The following RLIM variants were observed in gnomAD, a reference collection of about 807,000 sequenced individuals.
RLIM encodes ring finger protein, LIM domain interacting.
In RLIM, 2 loss-of-function variants were observed where a neutral mutation model predicts 34.0. That is an observed-to-expected ratio of 0.06 (90% CI 0.02 to 0.19). The LOEUF is 0.19. Among genes scored for constraint, RLIM ranks in the 10% least tolerant of loss-of-function variants. The pLI, the probability that RLIM is intolerant of heterozygous loss-of-function variation, is 1.00. For synonymous variants in RLIM, 169 were observed against 164.0 expected (o/e 1.03, Z -0.23); for missense variants, 286 against 479.7 (o/e 0.60, Z 3.77).
rs1342601583 is a variant in RLIM, at chrX:74,587,820, A to C, written c.*3620T>G. The C allele has an allele frequency of 8.9e-6, 1 of 112,167 alleles. No individual in the cohort carries two copies. The highest frequency in any genetic ancestry group is 1.9e-5 in the Non-Finnish European group (1 of 53,250). 9.2% of individuals were successfully genotyped at this position (112,167 alleles called of 1,213,427 possible). On this transcript the variant is annotated 3_prime_UTR_variant, in exon 4 of 4. Coordinates refer to ENST00000332687, the MANE Select transcript of RLIM (RefSeq NM_016120.4). Reference sequence around the variant, plus strand: ...TAGGAGAGGATACTTGGCACAGAAAAGACATGTTATGGGGCGGGGGACACA... The same window carrying C: ...TAGGAGAGGATACTTGGCACAGAAACGACATGTTATGGGGCGGGGGACACA...
rs1294181641 is a variant in RLIM, at chrX:74,590,077, A to G, written c.*1363T>C. On this transcript the variant is annotated 3_prime_UTR_variant, in exon 4 of 4. Coordinates refer to ENST00000332687, the MANE Select transcript of RLIM (RefSeq NM_016120.4). ...TAGAGATAGTAATGAAATATGATCAAGTGTGCACTGGTACCTTAAATGACA... is the reference window on the plus strand; with the variant it reads ...TAGAGATAGTAATGAAATATGATCAGGTGTGCACTGGTACCTTAAATGACA... 1 of 112,226 alleles carries G rather than the reference A, an allele frequency of 8.9e-6. No individual in the cohort carries two copies. Among genetic ancestry groups the G allele is most frequent in the African/African-American group, 3.2e-5 (1 of 30,907 alleles). 9.2% of individuals were successfully genotyped at this position (112,226 alleles called of 1,213,427 possible). A position where few individuals can be genotyped will look rare whatever the true frequency, so the allele number is the denominator to read the frequency against.
At chrX:74,612,544 A>C (rs2079716134) in intron 1 of RLIM, 2 of 111,988 alleles carry the variant, frequency 1.8e-5, no homozygotes, top group Non-Finnish European at 3.8e-5. Context: ...TGCATTCTAC[A>C]CATAAATCAT....
At position 74,603,183 on chromosome X, in the gene RLIM, C is replaced by G. The variant is rs2079668314; in HGVS notation, c.-23-7183G>C. On this transcript the variant is annotated intron_variant, in intron 1 of 3. Coordinates refer to ENST00000332687, the MANE Select transcript of RLIM (RefSeq NM_016120.4). Reference sequence around the variant, plus strand: ...TGGTCTTCTATTCTGGGCTTAGGGTCATAGTAAGCTACATACTCCAGTGAC... The same window carrying G: ...TGGTCTTCTATTCTGGGCTTAGGGTGATAGTAAGCTACATACTCCAGTGAC... Among the ~76,000 whole-genome samples, 2 of 110,418 alleles carry G rather than the reference C, an allele frequency of 1.8e-5. 1 individual carries two copies. Among genetic ancestry groups the G allele is most frequent in the Middle Eastern group, 8.6e-3 (2 of 232 alleles).
chrX:74,610,233 A>G (rs746854220), intron 1 of RLIM, among the ~76,000 whole-genome samples: 64 of 111,622 alleles, frequency 5.7e-4, no homozygotes, highest in African/African-American at 1.9e-3. Context: ...CTTGGCCAAC[A>G]TGGTGAAACT....
chrX:74,594,546 A>AG (rs1198722922), intron 2 of RLIM, among the ~76,000 whole-genome samples, 157 bp from the exon 3 acceptor site: 2 of 112,027 alleles, frequency 1.8e-5, no homozygotes, highest in Non-Finnish European at 3.8e-5. Context: ...ACCAAGGAGT[A>AG]GGTAGGTCCT....
At chrX:74,613,337 G>A (rs1384048125) in intron 1 of RLIM, among the ~76,000 whole-genome samples, 1 of 110,600 alleles carries the variant, frequency 9.0e-6, no homozygotes, top group Non-Finnish European at 1.9e-5. Context: ...AAATCATTGT[G>A]GGGTCTTGCA....
At chrX:74,593,145 T>C in intron 3 of RLIM, 84 bp from the exon 4 acceptor site, 1 of 943,927 alleles carries the variant, frequency 1.1e-6, no homozygotes, top group African/African-American at 1.9e-5. Context: ...AAACTCTGCA[T>C]TAAATAACTT....
chrX:74,592,793 C>T lies in RLIM; in HGVS notation c.522G>A (p.Arg174=). The T allele has an allele frequency of 2.5e-6, 3 of 1,211,123 alleles. No homozygotes were observed. The highest frequency in any genetic ancestry group is 3.4e-6 in the Non-Finnish European group (3 of 894,891). The change falls in exon 4 of 4, where the codon AGG becomes AGA. Residue 174 remains arginine, a synonymous_variant. Coordinates refer to ENST00000332687, the MANE Select transcript of RLIM (RefSeq NM_016120.4). ...SGENVENNSQ[R]QVENPRSEST... is the part of the protein sequence containing the mutation. Reference sequence around the variant, plus strand: ...ATTCAGATCGTGGGTTTTCCACTTGCCTTTGGCTGTTGTTTTCCACATTTT... The same window carrying T: ...ATTCAGATCGTGGGTTTTCCACTTGTCTTTGGCTGTTGTTTTCCACATTTT...
intron 1 of RLIM, among the ~76,000 whole-genome samples, chrX:74,610,386 C>T (rs1193469954): frequency 3.7e-5 from 4 of 108,940 alleles, no homozygotes; most frequent in African/African-American, 1.3e-4. Flanking sequence ...CACCGCACTC[C>T]AGCCTGGGCG....
chrX:74,598,431 G>A (rs750482068), intron 1 of RLIM, among the ~76,000 whole-genome samples: 2 of 109,868 alleles, frequency 1.8e-5, no homozygotes, highest in Admixed American at 9.8e-5. Context: ...AGTTCAAGAC[G>A]AGCTTGGGCA....
intron 1 of RLIM, among the ~76,000 whole-genome samples, chrX:74,596,810 T>C (rs139393421): frequency 0.01 from 1,149 of 111,074 alleles, 19 homozygotes; most frequent in African/African-American, 0.036. Context: ...GATGTAGCTA[T>C]AATGACAGCA....
chrX:74,605,686 T>C (rs1209784078), intron 1 of RLIM, among the ~76,000 whole-genome samples: 1 of 112,037 alleles, frequency 8.9e-6, no homozygotes, highest in African/African-American at 3.2e-5. Context: ...AGATTACCCG[T>C]GAAACATACA....
In RLIM at chrX:74,584,072, A is replaced by C. The variant is rs1931286757; in HGVS notation, c.*7368T>G. The stretch of plus-strand genomic sequence containing the variant: ...ACAAACAAAAAAATAAACAAAAACC[A>C]ATTTGGCCTTTTTTTTTCTTGGCAA... On this transcript the variant is annotated 3_prime_UTR_variant, in exon 4 of 4. Transcript: ENST00000332687. 9.0e-5 allele frequency among the ~76,000 whole-genome samples: 10 copies of C among 111,464 alleles called. No homozygotes were observed. Among genetic ancestry groups the C allele is most frequent in the Non-Finnish European group, 1.9e-4 (10 of 53,082 alleles).
In RLIM at chrX:74,590,189, T is replaced by C. The variant is rs1343754523; in HGVS notation, c.*1251A>G. 3.6e-5 allele frequency: 4 copies of C among 112,037 alleles called. No individual in the cohort carries two copies. Among genetic ancestry groups the C allele is most frequent in the African/African-American group, 6.5e-5 (2 of 30,763 alleles). 9.2% of individuals were successfully genotyped at this position (112,037 alleles called of 1,213,427 possible). On this transcript the variant is annotated 3_prime_UTR_variant, in exon 4 of 4. Coordinates refer to ENST00000332687, the MANE Select transcript of RLIM (RefSeq NM_016120.4). ...AATTCATATGCTAAAAGTGGTTTTA[T>C]AGTCTCTTTCCTCCATTTTTTCATT...
intron 1 of RLIM, among the ~76,000 whole-genome samples, chrX:74,613,226 A>G (rs963453962): frequency 1.8e-5 from 2 of 111,167 alleles, no homozygotes; most frequent in African/African-American, 3.3e-5. Flanking sequence ...GAAAGAAATG[A>G]TTAGTAGCAG....
At chrX:74,593,138 C>T in intron 3 of RLIM, 77 bp from the exon 4 acceptor site, 1 of 1,002,467 alleles carries the variant, frequency 1.0e-6, no homozygotes, top group East Asian at 3.2e-5. Context: ...TGCTCTGAAA[C>T]TCTGCATTAA....
Position 74,591,921 on chromosome X carries a change from G to A in RLIM, c.1394C>T (p.Ser465Leu), listed in dbSNP as rs1203142405. ...GGAACTTGAACTGGAACTGGAACTC[G>A]AACTGGAACTGGAACTCGAACTGGA... ...SGSSSSSSSS[S>L]SSSSSSSSSS... Residue 465 changes from serine to leucine, a missense_variant, in exon 4 of 4, where the codon TCG becomes TTG. Transcript: ENST00000332687. The A allele has an allele frequency of 4.1e-6, 5 of 1,207,835 alleles. No homozygotes were observed. Among genetic ancestry groups the A allele is most frequent in the Non-Finnish European group, 5.6e-6 (5 of 893,703 alleles).
chrX:74,606,870 C>T (rs1277398036), intron 1 of RLIM, among the ~76,000 whole-genome samples: 2 of 111,377 alleles, frequency 1.8e-5, no homozygotes, highest in South Asian at 3.7e-4. Flanking sequence ...GTGTGGTGGC[C>T]GACATCTGTA....
At position 74,589,629 on chromosome X, in the gene RLIM, G is replaced by A. The variant is rs2079603948; in HGVS notation, c.*1811C>T. ...TTGAAATAATCTTTACAGCTAAGTTGGTAACAGTGAAGGTACCCAGACAAT... is the reference window on the plus strand; with the variant it reads ...TTGAAATAATCTTTACAGCTAAGTTAGTAACAGTGAAGGTACCCAGACAAT... On this transcript the variant is annotated 3_prime_UTR_variant, in exon 4 of 4. Transcript: ENST00000332687. 8.9e-6 allele frequency: 1 copy of A among 112,122 alleles called. No individual in the cohort carries two copies. The highest frequency in any genetic ancestry group is 3.2e-5 in the African/African-American group (1 of 30,877). 9.2% of individuals were successfully genotyped at this position (112,122 alleles called of 1,213,427 possible).
Sources: allele counts gnomAD v4.1 joint callset (sites outside exome capture counted in the v4.1 genomes callset), GRCh38; gene constraint gnomAD v4.1.1; transcripts MANE v1.5; gene names NCBI Gene and HGNC (gene_info 2026-07-23, HGNC 2026-07-21).